Variants in CSAD observed in about 807,000 individuals in gnomAD.
CSAD encodes P-selectin cytoplasmic tail-associated protein.
A neutral mutation model predicts 61.5 loss-of-function variants in CSAD; 47 were observed. The ratio of observed to expected loss-of-function variants is 0.76; its 90% CI spans 0.60 to 0.97. CSAD has a LOEUF of 0.97. Among genes scored for constraint, CSAD ranks in the 50% least tolerant of loss-of-function variants. The pLI is 0.00. For missense variants in CSAD, 611 were observed against 643.6 expected (o/e 0.95, Z 0.55); for synonymous variants, 245 against 252.7 (o/e 0.97, Z 0.29).
At position 53,173,738 on chromosome 12, in the gene CSAD, A is replaced by C. The variant is rs1940864955; in HGVS notation, c.-17T>G. 1 of 1,610,828 alleles carries C rather than the reference A, an allele frequency of 6.2e-7. No individual in the cohort carries two copies. Among genetic ancestry groups the C allele is most frequent in the Admixed American group, 1.7e-5 (1 of 59,962 alleles). Reference sequence around the variant, plus strand: ...CAGAGACAAGCTTACCTCTCTGCTCAGGAGAGCCGGAGGCAGGGTGCACAG... The same window carrying C: ...CAGAGACAAGCTTACCTCTCTGCTCCGGAGAGCCGGAGGCAGGGTGCACAG... On this transcript the variant is annotated 5_prime_UTR_variant, in exon 3 of 17. Coordinates refer to ENST00000444623, the MANE Select transcript of CSAD (RefSeq NM_001244705.2).
intron 2 of CSAD, chr12:53,178,309 CAAAAAACA>C (rs1364127749): frequency 3.6e-5 from 16 of 450,352 alleles, no homozygotes; most frequent in Middle Eastern, 3.3e-4. Context: ...CCTGTCTCTA[CAAAAAACA>C]AAAAAACAAA....
chr12:53,163,933 G>C (rs1939594519), intron 10 of CSAD, among the ~76,000 whole-genome samples: 1 of 152,186 alleles, frequency 6.6e-6, no homozygotes, highest in Non-Finnish European at 1.5e-5. Context: ...ACAGAACTGA[G>C]AACCCAGAAA....
At chr12:53,160,392 G>A in intron 13 of CSAD, 73 bp from the exon 14 acceptor site, 1 of 1,453,024 alleles carries the variant, frequency 6.9e-7, no homozygotes, top group Admixed American at 1.7e-5. Context: ...GCACTGTGGG[G>A]GTCTTAGCTC....
intron 10 of CSAD, among the ~76,000 whole-genome samples, chr12:53,164,184 G>C (rs889356105): frequency 6.6e-6 from 1 of 152,134 alleles, no homozygotes; most frequent in Admixed American, 6.5e-5. Flanking sequence ...ATCTTTGTGA[G>C]CTTGGATTAG....
chr12:53,162,832 C>A (rs377349249), intron 10 of CSAD, among the ~76,000 whole-genome samples: 3 of 152,062 alleles, frequency 2.0e-5, no homozygotes, highest in East Asian at 3.9e-4. Flanking sequence ...GAGGCCGAGG[C>A]GGGCGGATCA....
Position 53,173,427 on chromosome 12 carries a change from ACT to A in CSAD, c.42_43del (p.Val15GlyfsTer16), listed in dbSNP as rs776194296. ...GGCCCGGAGCAAGGCTTCCACAGCC[ACT>A]GGGTCCCCAGCAAGGGAGGGGAGTG... On this transcript the variant is annotated frameshift_variant, in exon 4 of 17. Coordinates refer to ENST00000444623, the MANE Select transcript of CSAD (RefSeq NM_001244705.2). LOFTEE classifies it high-confidence loss of function. 4 of 1,614,216 alleles carry A rather than the reference ACT, an allele frequency of 2.5e-6. No homozygotes were observed. The highest frequency in any genetic ancestry group is 3.4e-6 in the Non-Finnish European group (4 of 1,180,040).
chr12:53,171,978 C>A lies in CSAD; in HGVS notation c.355G>T (p.Glu119Ter). Residue 119 changes from glutamate (E) to a stop codon, truncating the protein, a stop_gained, in exon 7 of 17, where the codon GAA becomes TAA. Coordinates refer to ENST00000444623, the MANE Select transcript of CSAD (RefSeq NM_001244705.2). LOFTEE classifies it high-confidence loss of function. ...ESLNTSQYTYEIAPVFVLMEE... is the reference protein window; with the variant it reads ...ESLNTSQYTY ...ATGAGCACAAACACGGGGGCGATTT[C>A]ATATGTGTACCTGCCAGGAGAGAGA... 6.2e-7 allele frequency: 1 copy of A among 1,613,376 alleles called. No homozygotes were observed. Among genetic ancestry groups the A allele is most frequent in the Non-Finnish European group, 8.5e-7 (1 of 1,179,410 alleles).
intron 7 of CSAD, 110 bp from the exon 8 acceptor site, chr12:53,171,551 G>C: frequency 9.8e-7 from 1 of 1,018,372 alleles, no homozygotes; most frequent in East Asian, 2.5e-5. Context: ...AGGTATGACT[G>C]GCTCCCAGGC....
Position 53,160,819 on chromosome 12 carries a change from G to T in CSAD, c.910C>A (p.His304Asn). The T allele has an allele frequency of 6.4e-7, 1 of 1,551,948 alleles. No homozygotes were observed. Among genetic ancestry groups the T allele is most frequent in the East Asian group, 2.4e-5 (1 of 40,974 alleles). The change falls in exon 13 of 17, where the codon CAC becomes AAC. Residue 304 changes from histidine (H) to asparagine (N), a missense_variant. By Grantham distance (68) the His-to-Asn change is moderately conservative (BLOSUM62 1). Transcript: ENST00000444623. ...TGCAGGCCTGCTGCGAGGAGCTTGTGGGGATTCCAGGCCACAGAGTCAGCC... is the reference window on the plus strand; with the variant it reads ...TGCAGGCCTGCTGCGAGGAGCTTGTTGGGATTCCAGGCCACAGAGTCAGCC... ...QRADSVAWNPHKLLAAGLQCS... is the reference protein window; with the variant it reads ...QRADSVAWNPNKLLAAGLQCS...
rs760547458 is a variant in CSAD at position 53,161,361 on chromosome 12, G to A, written c.731C>T (p.Thr244Ile). ...GGCCCCTAGCACAGTGGTGCCAGAG[G>A]TGGCACTGACCAGGAACGGCACAGC... ...EGAVPFLVSA[T>I]SGTTVLGAFD... The change falls in exon 11 of 17, where the codon ACC (threonine) becomes ATC (isoleucine). Residue 244 changes from threonine (T) to isoleucine (I), a missense_variant. Thr to Ile is a moderately conservative substitution (Grantham distance 89). Coordinates refer to ENST00000444623, the MANE Select transcript of CSAD (RefSeq NM_001244705.2). 3.7e-6 allele frequency: 6 copies of A among 1,614,026 alleles called. No homozygotes were observed. In the South Asian group the frequency reaches 6.6e-5, roughly 18 times the overall value.
rs1284947766 is a variant in CSAD at position 53,158,269 on chromosome 12, G to C, written c.*242C>G. On this transcript the variant is annotated 3_prime_UTR_variant, in exon 17 of 17. Coordinates refer to ENST00000444623, the MANE Select transcript of CSAD (RefSeq NM_001244705.2). ...TTCTGCCCCAACCTCCTGAGTAGCTGGGTTTACAGGCACAGGCCACCATGC... is the reference window on the plus strand; with the variant it reads ...TTCTGCCCCAACCTCCTGAGTAGCTCGGTTTACAGGCACAGGCCACCATGC... The C allele has an allele frequency of 6.4e-6, 2 of 311,286 alleles. No individual in the cohort carries two copies. Among genetic ancestry groups the C allele is most frequent in the Non-Finnish European group, 6.1e-6 (1 of 165,170 alleles). The allele number at this position is 311,286 out of a possible 1,614,324, so 19.3% of individuals were successfully genotyped here.
In CSAD at chr12:53,171,908, C is replaced by T. The variant is rs1940630692; in HGVS notation, c.425G>A (p.Ser142Asn). The stretch of plus-strand genomic sequence containing the variant: ...AGGGCAGAAGATTCCGTCCCCAGAG[C>T]TCCAGCCCACCAGGGCCCGCAGTTT... ...LRKLRALVGW[S>N]SGDGIFCPGG... Residue 142 changes from serine to asparagine, a missense_variant, in exon 7 of 17, where the codon AGC becomes AAC. Physicochemically the swap from Ser to Asn is conservative, Grantham distance 46. Coordinates refer to ENST00000444623, the MANE Select transcript of CSAD (RefSeq NM_001244705.2). The T allele has an allele frequency of 6.2e-7, 1 of 1,613,798 alleles. No individual in the cohort carries two copies. Among genetic ancestry groups the T allele is most frequent in the Admixed American group, 1.7e-5 (1 of 60,000 alleles).
rs1336860653 is a variant in CSAD at position 53,173,981 on chromosome 12, G to T, written c.-49-211C>A. 41 of 576,698 alleles carry T rather than the reference G, an allele frequency of 7.1e-5. No homozygotes were observed. The Admixed American group carries it at 8.4e-4, about 12-fold the overall frequency. The allele number at this position is 576,698 out of a possible 1,614,324, so 35.7% of individuals were successfully genotyped here. On this transcript the variant is annotated intron_variant, in intron 2 of 16. Transcript: ENST00000444623. ...ACTACTAATCTACTTTGTTTCTGTA[G>T]ATTTGTCTAGTCTGGCCATTTCATG...
At chr12:53,170,613 A>G (rs1940446719) in intron 8 of CSAD, 111 bp from the exon 9 acceptor site, 2 of 832,194 alleles carry the variant, frequency 2.4e-6, no homozygotes, top group Non-Finnish European at 4.1e-6. Context: ...AGGGCTTCTC[A>G]AATGTCAGCG....
At chr12:53,177,241 T>C (rs1389974355) in intron 2 of CSAD, among the ~76,000 whole-genome samples, 1 of 152,176 alleles carries the variant, frequency 6.6e-6, no homozygotes, top group African/African-American at 2.4e-5. Flanking sequence ...GGCCAGGAGC[T>C]CTCCTAAAAT....
intron 2 of CSAD, chr12:53,178,482 A>ACC (rs962290438): frequency 1.2e-5 from 5 of 408,962 alleles, no homozygotes; most frequent in Non-Finnish European, 2.4e-5. Flanking sequence ...ACAGACCAAG[A>ACC]CCCTATCTTT....
chr12:53,178,215 G>A (rs999483688), intron 2 of CSAD: 7 of 337,048 alleles, frequency 2.1e-5, no homozygotes, highest in Non-Finnish European at 3.5e-5. Context: ...GCTCAATCCT[G>A]TAATCCTAGC....
At chr12:53,170,547 AG>A in intron 8 of CSAD, 45 bp from the exon 9 acceptor site, 4 of 1,446,032 alleles carry the variant, frequency 2.8e-6, no homozygotes, top group Non-Finnish European at 3.9e-6. Context: ...TTGATGGGGG[AG>A]GGGAGAGAAG....
Position 53,172,565 on chromosome 12 carries a change from G to C in CSAD, c.210C>G (p.Ile70Met). 3.1e-6 allele frequency: 5 copies of C among 1,613,590 alleles called. No homozygotes were observed. The highest frequency in any genetic ancestry group is 1.7e-4 in the Middle Eastern group (1 of 6,040). The change falls in exon 5 of 17, where the codon ATC becomes ATG. Residue 70 changes from isoleucine (I) to methionine (M), a missense_variant. Ile to Met is a conservative substitution (Grantham distance 10). Transcript: ENST00000444623. ...GAATCACAGCCCGACACCGCTCCAG[G>C]ATCTGCTTCTGTGACTCGCCCTGGC... ...LRSQGESQKQ[I>M]LERCRAVIRY...
Sources: allele counts gnomAD v4.1 joint callset (sites outside exome capture counted in the v4.1 genomes callset), GRCh38; gene constraint gnomAD v4.1.1; transcripts MANE v1.5; gene names NCBI Gene and HGNC (gene_info 2026-07-23, HGNC 2026-07-21).